MKLN1: variants seen among roughly 807,000 people sequenced by gnomAD.
MKLN1 encodes muskelin 1.
In MKLN1, 18 loss-of-function variants were observed where a neutral mutation model predicts 99.0. The observed-to-expected ratio is 0.18, with a 90% CI of 0.13 to 0.27. The LOEUF (loss-of-function observed/expected upper bound fraction) is 0.27, where lower values mean the gene tolerates loss of function less well. MKLN1 is among the 10% of genes least tolerant of loss of function. The pLI, the probability that MKLN1 is intolerant of heterozygous loss-of-function variation, is 1.00. For synonymous variants in MKLN1, 288 were observed against 293.2 expected (o/e 0.98, Z 0.18); for missense variants, 621 against 875.9 (o/e 0.71, Z 3.67).
chr7:131,118,633 A>G (rs1423519582), intron 1 of MKLN1, among the ~76,000 whole-genome samples: 1 of 152,178 alleles, frequency 6.6e-6, no homozygotes, highest in East Asian at 1.9e-4. Flanking sequence ...TAATTGGCTC[A>G]TGGTTCTGTG....
intron 2 of MKLN1, among the ~76,000 whole-genome samples, chr7:131,384,843 C>T: frequency 6.6e-6 from 1 of 152,180 alleles, no homozygotes; most frequent in African/African-American, 2.4e-5. Flanking sequence ...ATTTTCATTG[C>T]CATTCTTAAC....
At chr7:131,348,856 G>A (rs1799635348) in intron 1 of MKLN1, among the ~76,000 whole-genome samples, 1 of 152,176 alleles carries the variant, frequency 6.6e-6, no homozygotes, top group Non-Finnish European at 1.5e-5. Context: ...ACTGGGACTT[G>A]AGTTCTAATC....
At chr7:131,353,187 C>T (rs1799770355) in intron 1 of MKLN1, among the ~76,000 whole-genome samples, 1 of 151,994 alleles carries the variant, frequency 6.6e-6, no homozygotes, top group African/African-American at 2.4e-5. Flanking sequence ...ACCTTCATAC[C>T]CTTTTCTAAA....
intron 3 of MKLN1, among the ~76,000 whole-genome samples, chr7:131,319,184 T>C (rs1057341812): frequency 1.5e-4 from 23 of 152,102 alleles, no homozygotes; most frequent in Non-Finnish European, 1.5e-5. Flanking sequence ...AACATCGATG[T>C]GAAAATCCTC....
rs1424566071 is a variant in MKLN1 at position 131,493,378 on chromosome 7, T to C, written c.*5650T>C. The C allele has an allele frequency of 1.3e-5, 2 of 152,218 alleles. No homozygotes were observed. Among genetic ancestry groups the C allele is most frequent in the Admixed American group, 6.5e-5 (1 of 15,282 alleles). 9.4% of individuals were successfully genotyped at this position (152,218 alleles called of 1,614,324 possible). A position where few individuals can be genotyped will look rare whatever the true frequency, so the allele number is the denominator to read the frequency against. On this transcript the variant is annotated 3_prime_UTR_variant, in exon 18 of 18. Coordinates refer to ENST00000352689, the MANE Select transcript of MKLN1 (RefSeq NM_013255.5). ...AGGAAAAATAGGAGCTTTTTGCTTA[T>C]GGATTTTAGAGGTCCACAAATCGAA...
chr7:131,146,160 T>A (rs1490254982), intron 2 of MKLN1, among the ~76,000 whole-genome samples: 1 of 152,056 alleles, frequency 6.6e-6, no homozygotes, highest in East Asian at 1.9e-4. Flanking sequence ...GGCAGTCAGA[T>A]CCCAAACCTT....
intron 6 of MKLN1, among the ~76,000 whole-genome samples, chr7:131,407,314 G>A (rs150844040): frequency 1.3e-5 from 2 of 152,002 alleles, no homozygotes; most frequent in African/African-American, 4.8e-5. Flanking sequence ...CATAGAGAGA[G>A]TTGCTTTTTT....
At chr7:131,438,025 G>A in intron 10 of MKLN1, 28 bp downstream of exon 10, 2 of 1,516,292 alleles carry the variant, frequency 1.3e-6, no homozygotes, top group South Asian at 1.1e-5. Context: ...ATATATGATG[G>A]AATTAATCAG....
In MKLN1 at chr7:131,429,007, T is replaced by TA. The variant is rs536672917; in HGVS notation, c.848-25dup. On this transcript the variant is annotated intron_variant, in intron 8 of 17. Transcript: ENST00000352689. ...TATGCTTATTTTGTCCTTTTTTTTT[T>TA]ACACATATTTTTCTGATTTTCATAG... The TA allele has an allele frequency of 3.1e-5, 49 of 1,577,032 alleles. No individual in the cohort carries two copies. The East Asian group carries it at 7.4e-4, about 24-fold the overall frequency.
At chr7:131,355,651 C>CATATATATATATATATATATATATATT in intron 1 of MKLN1, among the ~76,000 whole-genome samples, 1 of 118,120 alleles carries the variant, frequency 8.5e-6, no homozygotes, top group African/African-American at 3.8e-5. Context: ...TATATATATG[C>CATATATATATATATATATATATATATT]TTTAAGTTCT....
rs574669382 is a variant in MKLN1, at chr7:131,304,828, C to T, written c.-178-70596C>T. 2.6e-5 allele frequency among the ~76,000 whole-genome samples: 4 copies of T among 152,282 alleles called. No individual in the cohort carries two copies. The South Asian group carries it at 8.3e-4, about 32-fold the overall frequency. The stretch of plus-strand genomic sequence containing the variant: ...GTGGTTTGAATGTTTGTGTCCCCTC[C>T]AAAATTGATCTTGAAAAATTCCCAA... On this transcript the variant is annotated intron_variant, in intron 3 of 7. Coordinates refer to the MKLN1 transcript ENST00000416992.
At chr7:131,117,782 C>T (rs1795301285) in intron 1 of MKLN1, among the ~76,000 whole-genome samples, 1 of 152,088 alleles carries the variant, frequency 6.6e-6, no homozygotes, top group Non-Finnish European at 1.5e-5. Flanking sequence ...GTGAAACACA[C>T]AGGGAGAGAA....
intron 5 of MKLN1, 106 bp from the exon 6 acceptor site, chr7:131,399,135 T>C (rs1328956127): frequency 1.0e-6 from 1 of 956,780 alleles, no homozygotes; most frequent in African/African-American, 1.7e-5. Flanking sequence ...GCACATAGTG[T>C]TAATAAATGC....
At chr7:131,206,555 T>TATTATTATTATTATTATC (rs1385817877) in intron 3 of MKLN1, among the ~76,000 whole-genome samples, 1 of 149,490 alleles carries the variant, frequency 6.7e-6, no homozygotes, top group South Asian at 2.1e-4. Flanking sequence ...TTATTATTGT[T>TATTATTATTATTATTATC]ATTATTATTA....
At chr7:131,323,085 G>A (rs1798816382), upstream of MKLN1, among the ~76,000 whole-genome samples, 1 of 152,078 alleles carries the variant, frequency 6.6e-6, no homozygotes, top group Admixed American at 6.6e-5. Flanking sequence ...AAATTTTGTT[G>A]GATCTGCATT....
chr7:131,158,991 A>G (rs915151046), intron 2 of MKLN1, among the ~76,000 whole-genome samples: 3 of 152,000 alleles, frequency 2.0e-5, no homozygotes, highest in Middle Eastern at 3.2e-3. Context: ...AAAGTGATGA[A>G]TGCAGCCTGG....
At chr7:131,365,050 C>T (rs1347662790) in intron 1 of MKLN1, among the ~76,000 whole-genome samples, 2 of 152,164 alleles carry the variant, frequency 1.3e-5, no homozygotes, top group Non-Finnish European at 2.9e-5. Flanking sequence ...ATACTGCTTT[C>T]CACAATGGTT....
chr7:131,454,162 T>G (rs1287915235), intron 12 of MKLN1, among the ~76,000 whole-genome samples: 1 of 151,930 alleles, frequency 6.6e-6, no homozygotes, highest in Non-Finnish European at 1.5e-5. Flanking sequence ...CCTACTCATA[T>G]ACTTTTATAG....
intron 1 of MKLN1, among the ~76,000 whole-genome samples, chr7:131,122,195 A>G (rs564356305): frequency 6.6e-6 from 1 of 152,382 alleles, no homozygotes; most frequent in South Asian, 2.1e-4. Flanking sequence ...AGAAAGATGC[A>G]TGGCAAGAAA....
Sources: allele counts gnomAD v4.1 joint callset (sites outside exome capture counted in the v4.1 genomes callset), GRCh38; gene constraint gnomAD v4.1.1; transcripts MANE v1.5; gene names NCBI Gene and HGNC (gene_info 2026-07-23, HGNC 2026-07-21).